Variants in MYT1 observed in about 807,000 individuals in gnomAD.
MYT1 encodes myelin transcription factor I.
Under a neutral mutation model 123.0 loss-of-function variants are expected in MYT1, and 23 were observed. That is an observed-to-expected ratio of 0.19 (90% CI 0.13 to 0.26). The LOEUF (loss-of-function observed/expected upper bound fraction) is 0.26, where lower values mean the gene tolerates loss of function less well. MYT1 is among the 10% of genes least tolerant of loss of function. The probability of loss-of-function intolerance (pLI) is 1.00; values close to 1 mark genes in which losing one functional copy is unlikely to be tolerated. For missense variants in MYT1, 1,125 were observed against 1,472.5 expected (o/e 0.76, Z 3.86); for synonymous variants, 518 against 575.3 (o/e 0.90, Z 1.43).
At chr20:64,204,954 T>C in intron 4 of MYT1, 81 bp from the exon 5 acceptor site, 3 of 1,418,524 alleles carry the variant, frequency 2.1e-6, no homozygotes, top group Non-Finnish European at 3.0e-6. Flanking sequence ...GACATTCTGC[T>C]CCCCAGGGTG....
intron 19 of MYT1, among the ~76,000 whole-genome samples, chr20:64,235,116 G>GGATGGCCGTGGTGGGTGACCCTGT (rs1984471518): frequency 1.4e-5 from 2 of 146,806 alleles, no homozygotes; most frequent in East Asian, 4.2e-4. Context: ...GGTGACCCTG[G>GGATGGCCGTGGTGGGTGACCCTGT]GATGGTCATG....
At position 64,202,498 on chromosome 20, in the gene MYT1, G is replaced by A. The variant is rs1983355551; in HGVS notation, c.87-2537G>A. Among the ~76,000 whole-genome samples the A allele has an allele frequency of 6.6e-6, 1 of 152,150 alleles. No individual in the cohort carries two copies. The highest frequency in any genetic ancestry group is 1.5e-5 in the Non-Finnish European group (1 of 68,034). On this transcript the variant is annotated intron_variant, in intron 4 of 22. Coordinates refer to ENST00000328439, the MANE Select transcript of MYT1 (RefSeq NM_004535.3). The surrounding 1 kb of genome is among the most constrained non-coding windows in gnomAD (Gnocchi z 5.0). ...ACACCGAGTTCAGGACCATCTCCAA[G>A]TTCAGAGAGAGAACACGTCTGTAGC...
chr20:64,201,804 C>T (rs976905070), intron 4 of MYT1, among the ~76,000 whole-genome samples: 5 of 152,214 alleles, frequency 3.3e-5, no homozygotes, highest in African/African-American at 1.2e-4. Flanking sequence ...GCAGAAAACG[C>T]ACCGTTGTGG....
intron 1 of MYT1, among the ~76,000 whole-genome samples, chr20:64,183,935 C>T (rs920123966): frequency 3.9e-5 from 6 of 152,108 alleles, no homozygotes; most frequent in African/African-American, 1.4e-4. Flanking sequence ...ATTCTCCTGC[C>T]TCAGCCTCCT....
At chr20:64,164,824 G>A (rs1982036100) in intron 1 of MYT1, 85 bp downstream of exon 1, 2 of 152,246 alleles carry the variant, frequency 1.3e-5, no homozygotes, top group East Asian at 1.9e-4. Flanking sequence ...GAGAGGGCGC[G>A]CGGGCAGAGT....
rs1252499144 is a variant in MYT1, at chr20:64,191,196, T to TC, written c.-1+1037dup. On this transcript the variant is annotated intron_variant, in intron 2 of 22. Transcript: ENST00000328439. The surrounding 1 kb of genome is among the most constrained non-coding windows in gnomAD (Gnocchi z 4.1). ...TGAAGTCTGTTGGCCTTGTTTTATT[T>TC]CGATCTTCCTAAGGGGAGGCAGATG... 6.6e-6 allele frequency among the ~76,000 whole-genome samples: 1 copy of TC among 152,190 alleles called. No homozygotes were observed. The highest frequency in any genetic ancestry group is 2.4e-5 in the African/African-American group (1 of 41,438).
intron 1 of MYT1, among the ~76,000 whole-genome samples, chr20:64,179,018 G>A (rs78882481): frequency 5.0e-5 from 7 of 139,552 alleles, no homozygotes; most frequent in East Asian, 2.2e-4. Flanking sequence ...GCCGTTATTC[G>A]GTGAGATACC....
At chr20:64,205,368 G>T (rs928021436) in intron 5 of MYT1, among the ~76,000 whole-genome samples, 185 bp from the exon 6 acceptor site, 3 of 152,122 alleles carry the variant, frequency 2.0e-5, no homozygotes, top group Admixed American at 6.5e-5. Context: ...GTGCCATGTG[G>T]GCGAAGACAG....
At chr20:64,227,702 A>G (rs1253976439) in intron 17 of MYT1, among the ~76,000 whole-genome samples, 186 bp from the exon 18 acceptor site, 1 of 152,024 alleles carries the variant, frequency 6.6e-6, no homozygotes, top group Non-Finnish European at 1.5e-5. Context: ...CTCCTTCCCG[A>G]CCCTGCTGCC....
chr20:64,202,643 A>G lies in MYT1; in HGVS notation c.87-2392A>G, dbSNP rs1190810130. Among the ~76,000 whole-genome samples, 1 of 152,142 alleles carries G rather than the reference A, an allele frequency of 6.6e-6. No individual in the cohort carries two copies. The highest frequency in any genetic ancestry group is 1.9e-4 in the East Asian group (1 of 5,180). On this transcript the variant is annotated intron_variant, in intron 4 of 22. Transcript: ENST00000328439. The surrounding 1 kb of genome is among the most constrained non-coding windows in gnomAD (Gnocchi z 5.0). ...AGTGTCTTCAAAGGCTAGTAGCTGA[A>G]GCATGGGGCTCCAGGCTGGGATTCA... is the stretch of plus-strand genomic sequence containing the variant.
At chr20:64,223,050 C>T in intron 14 of MYT1, 61 bp from the exon 15 acceptor site, 8 of 1,598,396 alleles carry the variant, frequency 5.0e-6, no homozygotes, top group Non-Finnish European at 6.9e-6. Flanking sequence ...GCAGAGCAGG[C>T]TCAGCCTGGG....
chr20:64,211,909 C>A, intron 8 of MYT1, 139 bp from the exon 9 acceptor site: 1 of 706,478 alleles, frequency 1.4e-6, no homozygotes, highest in Non-Finnish European at 2.5e-6. Flanking sequence ...CCCTGCGTTG[C>A]TGTGTCCCCC....
rs1415467599 is a variant in MYT1 at position 64,232,149 on chromosome 20, C to T, written c.2676-15C>T. ...CCCTTCGCCCCTGTACTCACCCCGG[C>T]CTCTCTGTACCCAGGTGCCCAGTTC... is the stretch of plus-strand genomic sequence containing the variant. On this transcript the variant is annotated splice_polypyrimidine_tract_variant and intron_variant, in intron 18 of 22. Transcript: ENST00000328439. The surrounding 1 kb of genome is among the most constrained non-coding windows in gnomAD (Gnocchi z 6.9). 3 of 1,612,122 alleles carry T rather than the reference C, an allele frequency of 1.9e-6. No homozygotes were observed. Among genetic ancestry groups the T allele is most frequent in the Non-Finnish European group, 2.5e-6 (3 of 1,179,586 alleles).
At chr20:64,223,443 C>A (rs555898674) in intron 16 of MYT1, 84 bp downstream of exon 16, 2 of 1,499,468 alleles carry the variant, frequency 1.3e-6, no homozygotes, top group East Asian at 2.3e-5. Flanking sequence ...CCAAAATCAG[C>A]CTTCTCCAAG....
At chr20:64,199,001 C>T (rs1195068360) in intron 3 of MYT1, 85 bp downstream of exon 3, 2 of 1,426,744 alleles carry the variant, frequency 1.4e-6, no homozygotes, top group Non-Finnish European at 9.8e-7. Context: ...CCTAACCACA[C>T]ATGTGCAGAG....
At position 64,219,859 on chromosome 20, in the gene MYT1, C is replaced by T. The variant is rs769450629; in HGVS notation, c.2118C>T (p.Ser706=). The T allele has an allele frequency of 6.2e-7, 1 of 1,603,230 alleles. No individual in the cohort carries two copies. The highest frequency in any genetic ancestry group is 1.1e-5 in the South Asian group (1 of 89,652). ...KSPDASQRHS[S]TSAPSSSMTS... is the part of the protein sequence containing the mutation. ...CCGACGCCTCCCAGCGCCACAGCAG[C>T]ACCAGCGCCCCCAGCAGCTCCATGA... Residue 706 remains serine (S), a synonymous_variant, in exon 13 of 23, where the codon AGC becomes AGT. Coordinates refer to ENST00000328439, the MANE Select transcript of MYT1 (RefSeq NM_004535.3).
Position 64,240,390 on chromosome 20 carries a change from C to T in MYT1, c.3308C>T (p.Pro1103Leu), listed in dbSNP as rs377470537. The T allele has an allele frequency of 2.0e-5, 33 of 1,613,872 alleles. No individual in the cohort carries two copies. The highest frequency in any genetic ancestry group is 6.7e-5 in the Admixed American group (4 of 60,002). Residue 1103 changes from proline (P) to leucine (L), a missense_variant, in exon 23 of 23, where the codon CCG becomes CTG. By Grantham distance (98) the Pro-to-Leu change is moderately conservative. Transcript: ENST00000328439. ...ACCGACATGTACTCCAACCAGGACC[C>T]GGAGAACAAGGACCTCCTGGAGAGC... ...TLTDMYSNQD[P>L]ENKDLLESIK...
chr20:64,215,400 T>A (rs1003667577), intron 10 of MYT1, among the ~76,000 whole-genome samples: 1 of 152,162 alleles, frequency 6.6e-6, no homozygotes, highest in East Asian at 1.9e-4. Context: ...GTGGCTAGGG[T>A]GGAGGAGGCC....
chr20:64,191,471 TC>T lies in MYT1; in HGVS notation c.-1+1312del, dbSNP rs1266408684. On this transcript the variant is annotated intron_variant, in intron 2 of 22. Coordinates refer to ENST00000328439, the MANE Select transcript of MYT1 (RefSeq NM_004535.3). The surrounding 1 kb of genome is among the most constrained non-coding windows in gnomAD (Gnocchi z 4.1). Reference sequence around the variant, plus strand: ...AGATCCGATTCTGACCTCTCTTTTTTCTTTTTTGCATGTAGATGCTCTCCAG... The same window carrying T: ...AGATCCGATTCTGACCTCTCTTTTTTTTTTTTGCATGTAGATGCTCTCCAG... 1 of 152,242 alleles carries T rather than the reference TC, an allele frequency of 6.6e-6. No individual in the cohort carries two copies. 9.4% of individuals were successfully genotyped at this position (152,242 alleles called of 1,614,324 possible). A position where few individuals can be genotyped will look rare whatever the true frequency, so the allele number is the denominator to read the frequency against.
Sources: allele counts gnomAD v4.1 joint callset (sites outside exome capture counted in the v4.1 genomes callset), GRCh38; gene constraint gnomAD v4.1.1; non-coding constraint Gnocchi (gnomAD v3.1); transcripts MANE v1.5; gene names NCBI Gene and HGNC (gene_info 2026-07-23, HGNC 2026-07-21).